VEZT: variants seen among roughly 807,000 people sequenced by gnomAD.
The protein encoded by VEZT is vezatin.
VEZT carries 39 observed loss-of-function variants against 79.9 expected under a neutral mutation model. The ratio of observed to expected loss-of-function variants is 0.49; its 90% CI spans 0.38 to 0.64. The LOEUF is 0.64. Ranked by LOEUF, VEZT falls within the 30% of genes least tolerant of loss-of-function variation. VEZT has a pLI of 0.00. For missense variants in VEZT, 837 were observed against 893.1 expected, an observed-to-expected ratio of 0.94 and a Z score of 0.80; for synonymous variants, 325 against 327.6, an observed-to-expected ratio of 0.99 and a Z score of 0.09.
rs1452367709 is a variant in VEZT, at chr12:95,270,149, T to A, written c.809T>A (p.Phe270Tyr). The A allele has an allele frequency of 6.2e-7, 1 of 1,610,942 alleles. No individual in the cohort carries two copies. Among genetic ancestry groups the A allele is most frequent in the Admixed American group, 1.7e-5 (1 of 59,476 alleles). ...KAVYRTLRAN[F>Y]QAARLATLYM... is the part of the protein sequence containing the mutation. ...GTCTACCGAACTCTAAGAGCCAACT[T>A]CCAAGCAGCAAGGCTAGCTACCCTA... The change falls in exon 6 of 12, where the codon TTC becomes TAC. Residue 270 changes from phenylalanine to tyrosine, a missense_variant. Physicochemically the swap from Phe to Tyr is conservative, Grantham distance 22. Transcript: ENST00000436874.
intron 8 of VEZT, 31 bp downstream of exon 8, chr12:95,282,675 T>C: frequency 6.5e-7 from 1 of 1,537,196 alleles, no homozygotes; most frequent in Non-Finnish European, 8.8e-7. Flanking sequence ...AAGAAAGGTC[T>C]CGGTAATTAG....
intron 1 of VEZT, among the ~76,000 whole-genome samples, chr12:95,234,526 C>T (rs1593149926): frequency 6.6e-6 from 1 of 151,916 alleles, no homozygotes; most frequent in East Asian, 1.9e-4. Context: ...AACACCTAAC[C>T]CCAGGTGATT....
rs142597526 is a variant in VEZT at position 95,290,338 on chromosome 12, A to C, written c.1522+2481A>C. Reference sequence around the variant, plus strand: ...ATTTAACCAAGAAATATAAAAACTTAGTGTTCACACAAAAGCCTATACATA... The same window carrying C: ...ATTTAACCAAGAAATATAAAAACTTCGTGTTCACACAAAAGCCTATACATA... On this transcript the variant is annotated intron_variant, in intron 9 of 11. Transcript: ENST00000436874. 1.3e-3 allele frequency among the ~76,000 whole-genome samples: 205 copies of C among 152,352 alleles called. 3 individuals carry two copies. In the East Asian group the frequency reaches 0.022, roughly 16 times the overall value.
intron 3 of VEZT, chr12:95,258,152 A>C: frequency 2.3e-6 from 1 of 428,084 alleles, no homozygotes; most frequent in South Asian, 1.7e-5. Flanking sequence ...CAAATTGTCA[A>C]GTTCTTTGTT....
intron 7 of VEZT, among the ~76,000 whole-genome samples, chr12:95,280,791 C>T (rs1024015464): frequency 1.3e-5 from 2 of 152,078 alleles, no homozygotes; most frequent in East Asian, 3.9e-4. Flanking sequence ...GAAATCATTT[C>T]TGAATGAACG....
chr12:95,283,965 C>T (rs975061488), intron 8 of VEZT, among the ~76,000 whole-genome samples: 1 of 152,158 alleles, frequency 6.6e-6, no homozygotes, highest in African/African-American at 2.4e-5. Context: ...AAGCCAGAGC[C>T]TCCGAAGAAG....
chr12:95,236,259 C>A (rs9739396), intron 1 of VEZT, among the ~76,000 whole-genome samples: 60,081 of 151,662 alleles, frequency 0.4, 12,230 homozygotes, highest in African/African-American at 0.48. Flanking sequence ...CGTCTCCACC[C>A]AAAAAATACG....
intron 1 of VEZT, among the ~76,000 whole-genome samples, chr12:95,222,755 G>C (rs1418494580): frequency 4.6e-5 from 7 of 152,080 alleles, no homozygotes; most frequent in Non-Finnish European, 8.8e-5. Flanking sequence ...AATTAATCTG[G>C]GGAAACTTAA....
At chr12:95,281,656 C>T (rs978867927) in intron 7 of VEZT, among the ~76,000 whole-genome samples, 6 of 151,596 alleles carry the variant, frequency 4.0e-5, no homozygotes, top group African/African-American at 1.5e-4. Flanking sequence ...AATGATTTTC[C>T]TGCCTCGGCC....
At chr12:95,261,421 A>C (rs71458584) in intron 3 of VEZT, among the ~76,000 whole-genome samples, 1 of 151,510 alleles carries the variant, frequency 6.6e-6, no homozygotes, top group East Asian at 1.9e-4. Context: ...TTTTATTTTT[A>C]TTTTTTTTGA....
chr12:95,245,206 C>A (rs1208551889), intron 1 of VEZT, among the ~76,000 whole-genome samples: 1 of 152,066 alleles, frequency 6.6e-6, no homozygotes, highest in Non-Finnish European at 1.5e-5. Context: ...TGCACTCCAG[C>A]CTGGGTGAAA....
At chr12:95,271,178 TTCTCTC>T (rs944567328) in intron 6 of VEZT, among the ~76,000 whole-genome samples, 1 of 152,140 alleles carries the variant, frequency 6.6e-6, no homozygotes, top group Non-Finnish European at 1.5e-5. Flanking sequence ...TTCTCTCTCT[TTCTCTC>T]TCTTTCTATA....
At chr12:95,249,172 G>C (rs190442538) in intron 1 of VEZT, among the ~76,000 whole-genome samples, 1 of 152,130 alleles carries the variant, frequency 6.6e-6, no homozygotes, top group South Asian at 2.1e-4. Flanking sequence ...AAATATTTAC[G>C]ATCTGGCCTT....
rs1555246324 is a variant in VEZT, at chr12:95,239,982, G to GA, written c.37-11958_37-11957insA. Among the ~76,000 whole-genome samples the GA allele has an allele frequency of 3.0e-3, 398 of 131,720 alleles. 10 individuals carry two copies. Among genetic ancestry groups the GA allele is most frequent in the African/African-American group, 8.2e-3 (294 of 35,766 alleles). The allele number at this position is 131,720 out of a possible 152,430, so 86.4% of individuals were successfully genotyped here. A position where few individuals can be genotyped will look rare whatever the true frequency, so the allele number is the denominator to read the frequency against. On this transcript the variant is annotated intron_variant, in intron 1 of 11. Coordinates refer to ENST00000436874, the MANE Select transcript of VEZT (RefSeq NM_017599.4). ...AGAGAGAGAGAGAGAGAGAGAGAGA[G>GA]GAGAGAGAGAGAGGAGACAGAGAGA...
intron 3 of VEZT, chr12:95,258,235 T>C (rs760441835): frequency 6.6e-5 from 30 of 455,762 alleles, no homozygotes; most frequent in South Asian, 4.7e-4. Context: ...ATAATGCCAT[T>C]TTTATCCAGG....
intron 1 of VEZT, 175 bp downstream of exon 1, chr12:95,218,061 GC>G: frequency 2.0e-6 from 1 of 492,870 alleles, no homozygotes; most frequent in Non-Finnish European, 3.4e-6. Context: ...GACAGGTGTA[GC>G]CAGAGGCGCC....
At chr12:95,269,922 A>G (rs1426750186) in intron 5 of VEZT, 129 bp from the exon 6 acceptor site, 1 of 1,077,462 alleles carries the variant, frequency 9.3e-7, no homozygotes, top group African/African-American at 1.6e-5. Flanking sequence ...ATGTATAATC[A>G]TTTTCTAGTG....
intron 9 of VEZT, among the ~76,000 whole-genome samples, chr12:95,292,108 G>C (rs776779409): frequency 6.6e-6 from 1 of 152,128 alleles, no homozygotes; most frequent in Non-Finnish European, 1.5e-5. Context: ...CCTCTTGCTA[G>C]ATTTTTGTTA....
chr12:95,287,250 T>C (rs770201083), intron 8 of VEZT, among the ~76,000 whole-genome samples: 1 of 152,188 alleles, frequency 6.6e-6, no homozygotes, highest in Admixed American at 6.5e-5. Flanking sequence ...GCATTAAGTG[T>C]ATACACATTG....
Sources: gnomAD v4.1 joint callset for allele counts (sites outside exome capture counted in the v4.1 genomes callset) on GRCh38, gnomAD v4.1.1 for gene constraint, MANE v1.5 for transcripts, NCBI Gene and HGNC (gene_info 2026-07-23, HGNC 2026-07-21) for gene names.